Variants in DPP8 observed in about 807,000 individuals in gnomAD.
The protein encoded by DPP8 is DPP VIII.
Under a neutral mutation model 107.5 loss-of-function variants are expected in DPP8, and 31 were observed. The ratio of observed to expected loss-of-function variants is 0.29; its 90% CI spans 0.22 to 0.39. The LOEUF is 0.39. Ranked by LOEUF, DPP8 falls within the 10% of genes least tolerant of loss-of-function variation. The pLI is 1.00. For missense variants in DPP8, 842 were observed against 1,076.1 expected, an observed-to-expected ratio of 0.78 and a Z score of 3.04; for synonymous variants, 381 against 356.6, an observed-to-expected ratio of 1.07 and a Z score of -0.77.
chr15:65,498,036 G>A lies in DPP8; in HGVS notation c.547-4C>T. The A allele has an allele frequency of 6.3e-7, 1 of 1,581,148 alleles. No homozygotes were observed. The highest frequency in any genetic ancestry group is 8.6e-7 in the Non-Finnish European group (1 of 1,159,906). On this transcript the variant is annotated splice_region_variant and splice_polypyrimidine_tract_variant and intron_variant, in intron 4 of 19. Transcript: ENST00000300141. Reference sequence around the variant, plus strand: ...GATTGGGCCTTAAAGGTTGTTGCTAGAAAAGTAAACAACATTTTAAGGTAA... The same window carrying A: ...GATTGGGCCTTAAAGGTTGTTGCTAAAAAAGTAAACAACATTTTAAGGTAA...
At chr15:65,516,435 A>AG (rs1275964075) in intron 1 of DPP8, 1 of 146,664 alleles carries the variant, frequency 6.8e-6, no homozygotes, top group African/African-American at 2.5e-5. Context: ...TGGCTTAGGA[A>AG]AAAAAAAAAA....
chr15:65,515,223 CTG>C (rs1226550777), intron 1 of DPP8, among the ~76,000 whole-genome samples: 1 of 152,188 alleles, frequency 6.6e-6, no homozygotes, highest in Non-Finnish European at 1.5e-5. Flanking sequence ...GTCACCGCGC[CTG>C]GCCATGCCCA....
At chr15:65,499,170 A>T (rs991458403) in intron 4 of DPP8, among the ~76,000 whole-genome samples, 1 of 151,626 alleles carries the variant, frequency 6.6e-6, no homozygotes, top group Non-Finnish European at 1.5e-5. Context: ...TTTGATAATG[A>T]TCTTCCAAAA....
intron 12 of DPP8, among the ~76,000 whole-genome samples, chr15:65,471,315 C>A (rs934822906): frequency 2.6e-5 from 4 of 151,976 alleles, no homozygotes; most frequent in African/African-American, 7.3e-5. Flanking sequence ...GGAAATGAGA[C>A]CTTAAAGGTC....
intron 12 of DPP8, among the ~76,000 whole-genome samples, chr15:65,471,510 C>T (rs1263834248): frequency 7.2e-6 from 1 of 139,468 alleles, no homozygotes; most frequent in Non-Finnish European, 1.5e-5. Context: ...CCATAACCAG[C>T]CTATTTTTTT....
intron 12 of DPP8, among the ~76,000 whole-genome samples, chr15:65,468,739 C>T (rs1358899314): frequency 6.6e-6 from 1 of 152,100 alleles, no homozygotes; most frequent in Non-Finnish European, 1.5e-5. Context: ...ACGTGTTAAT[C>T]TTTGCAAAAG....
chr15:65,490,593 A>G lies in DPP8; in HGVS notation c.716-294T>C, dbSNP rs182719580. ...TAGAACAAAGCCTGGACCACAGTAC[A>G]TGCTCCAAATAAATGTTATTATTTT... On this transcript the variant is annotated intron_variant, in intron 5 of 19. Transcript: ENST00000300141. 2.0e-5 allele frequency among the ~76,000 whole-genome samples: 3 copies of G among 152,334 alleles called. No homozygotes were observed. The East Asian group carries it at 5.8e-4, about 29-fold the overall frequency.
intron 3 of DPP8, among the ~76,000 whole-genome samples, chr15:65,503,047 T>A (rs976975977): frequency 6.6e-6 from 1 of 152,180 alleles, no homozygotes; most frequent in Non-Finnish European, 1.5e-5. Context: ...ACCCTAGTAA[T>A]ATTCATACAG....
At chr15:65,500,146 C>T (rs1017049852) in intron 4 of DPP8, among the ~76,000 whole-genome samples, 3 of 152,022 alleles carry the variant, frequency 2.0e-5, no homozygotes, top group Non-Finnish European at 4.4e-5. Context: ...AGGCTGGGCG[C>T]GGTGGCTCAT....
intron 7 of DPP8, among the ~76,000 whole-genome samples, chr15:65,485,457 T>C (rs903320933): frequency 2.8e-5 from 4 of 144,108 alleles, no homozygotes; most frequent in African/African-American, 1.0e-4. Flanking sequence ...GGCAGGAGAA[T>C]CACTTGAACC....
intron 2 of DPP8, among the ~76,000 whole-genome samples, chr15:65,508,207 T>C (rs1449484401): frequency 1.3e-5 from 2 of 151,856 alleles, no homozygotes. Context: ...ACCACTGCAC[T>C]CTGGCCTGGG....
intron 1 of DPP8, chr15:65,515,556 T>G: frequency 9.5e-7 from 1 of 1,048,242 alleles, no homozygotes; most frequent in Non-Finnish European, 1.4e-6. Flanking sequence ...TTTTCTAATG[T>G]CAAAAATAGG....
At chr15:65,481,834 A>G (rs2066953552) in intron 8 of DPP8, among the ~76,000 whole-genome samples, 1 of 152,130 alleles carries the variant, frequency 6.6e-6, no homozygotes, top group South Asian at 2.1e-4. Context: ...CTTTTAACAC[A>G]GCCTAAAAAT....
At chr15:65,455,933 A>G (rs1418528369) in intron 16 of DPP8, 3 of 1,054,644 alleles carry the variant, frequency 2.8e-6, no homozygotes, top group Non-Finnish European at 3.9e-6. Context: ...TTATTCCTCA[A>G]CTGTGTACAG....
intron 1 of DPP8, among the ~76,000 whole-genome samples, chr15:65,514,707 T>C (rs1005987156): frequency 6.6e-6 from 1 of 152,190 alleles, no homozygotes; most frequent in Non-Finnish European, 1.5e-5. Context: ...AGACGGGGTT[T>C]CACCATCTTG....
intron 13 of DPP8, 55 bp downstream of exon 13, chr15:65,467,016 A>G (rs2038090922): frequency 6.3e-7 from 1 of 1,595,424 alleles, no homozygotes; most frequent in African/African-American, 1.3e-5. Flanking sequence ...AAGGAGTATT[A>G]CATAAGCAGA....
rs748856877 is a variant in DPP8 at position 65,451,117 on chromosome 15, A to G, written c.2415-7T>C. ...GAGCAGTAAACGATTTGGTCTGGAG[A>G]AATGGAAATATTAGAGGATTAGGCA... On this transcript the variant is annotated splice_region_variant and splice_polypyrimidine_tract_variant and intron_variant, in intron 18 of 19. Coordinates refer to ENST00000300141, the MANE Select transcript of DPP8 (RefSeq NM_130434.5). 3 of 1,569,938 alleles carry G rather than the reference A, an allele frequency of 1.9e-6. No homozygotes were observed. In the African/African-American group the frequency reaches 4.1e-5, roughly 21 times the overall value.
intron 14 of DPP8, 61 bp downstream of exon 14, chr15:65,466,617 C>CG: frequency 7.0e-7 from 1 of 1,431,926 alleles, no homozygotes; most frequent in East Asian, 2.3e-5. Flanking sequence ...ATATGACACA[C>CG]GTTTAGTGTA....
intron 6 of DPP8, among the ~76,000 whole-genome samples, chr15:65,489,099 T>C (rs945522501): frequency 5.3e-5 from 8 of 152,180 alleles, no homozygotes; most frequent in Middle Eastern, 3.2e-3. Flanking sequence ...TAGCTGGGAC[T>C]ACAGGTGCAT....
Sources: allele counts gnomAD v4.1 joint callset (sites outside exome capture counted in the v4.1 genomes callset), GRCh38; gene constraint gnomAD v4.1.1; transcripts MANE v1.5; gene names NCBI Gene and HGNC (gene_info 2026-07-23, HGNC 2026-07-21).